Variants in MRPL30 observed in about 807,000 individuals in gnomAD.
MRPL30 encodes large ribosomal subunit protein uL30m.
MRPL30 carries 10 observed loss-of-function variants against 17.2 expected under a neutral mutation model. The ratio of observed to expected loss-of-function variants is 0.58; its 90% CI spans 0.36 to 0.99. The LOEUF (loss-of-function observed/expected upper bound fraction) is 0.99. MRPL30 is among the 50% of genes least tolerant of loss of function. The probability of loss-of-function intolerance (pLI) is 0.01; values close to 1 mark genes in which losing one functional copy is unlikely to be tolerated. For missense variants in MRPL30, 170 were observed against 189.8 expected, an observed-to-expected ratio of 0.90 and a Z score of 0.61; for synonymous variants, 61 against 62.1, an observed-to-expected ratio of 0.98 and a Z score of 0.08.
chr2:99,194,183 G>A (rs1046237240), intron 3 of MRPL30, among the ~76,000 whole-genome samples: 4 of 152,156 alleles, frequency 2.6e-5, no homozygotes, highest in Admixed American at 2.6e-4. Context: ...TACACATAGT[G>A]TTAGAATACA....
chr2:99,188,064 C>T (rs1474761155), intron 2 of MRPL30, 113 bp from the exon 3 acceptor site: 6 of 707,028 alleles, frequency 8.5e-6, no homozygotes, highest in African/African-American at 3.6e-5. Flanking sequence ...TAAGATATAC[C>T]TTTAATAATT....
At chr2:99,189,735 T>TG (rs35520519) in intron 3 of MRPL30, among the ~76,000 whole-genome samples, 2 of 152,258 alleles carry the variant, frequency 1.3e-5, no homozygotes, top group Non-Finnish European at 2.9e-5. Context: ...TTGTTTTGGG[T>TG]GGGGGGTTCC....
rs1489185640 is a variant in MRPL30, at chr2:99,196,792, T to G, written c.*1087T>G. 2 of 152,244 alleles carry G rather than the reference T, an allele frequency of 1.3e-5. No individual in the cohort carries two copies. The highest frequency in any genetic ancestry group is 2.9e-5 in the Non-Finnish European group (2 of 68,050). 9.4% of individuals were successfully genotyped at this position (152,244 alleles called of 1,614,324 possible). On this transcript the variant is annotated 3_prime_UTR_variant, in exon 6 of 6. Coordinates refer to ENST00000338148, the MANE Select transcript of MRPL30 (RefSeq NM_145212.4). Reference sequence around the variant, plus strand: ...GAAACACTGGATGCCAGCTAGATTATCTGTTCTGTGCTTTGGTGTCTATAA... The same window carrying G: ...GAAACACTGGATGCCAGCTAGATTAGCTGTTCTGTGCTTTGGTGTCTATAA...
intron 3 of MRPL30, among the ~76,000 whole-genome samples, chr2:99,190,226 T>C (rs1258196031): frequency 6.6e-6 from 1 of 152,216 alleles, no homozygotes; most frequent in South Asian, 2.1e-4. Context: ...AGTATTACCA[T>C]TGACTACTTT....
chr2:99,188,111 A>G, intron 2 of MRPL30, 66 bp from the exon 3 acceptor site: 2 of 1,188,184 alleles, frequency 1.7e-6, no homozygotes, highest in South Asian at 1.5e-5. Flanking sequence ...TTACCTAAAG[A>G]TTGGTGGGTA....
At chr2:99,186,301 T>G in intron 2 of MRPL30, 47 bp downstream of exon 2, 1 of 1,549,768 alleles carries the variant, frequency 6.5e-7, no homozygotes, top group Non-Finnish European at 8.8e-7. Context: ...CCTTATGAAT[T>G]TTTTTTTTAA....
intron 3 of MRPL30, among the ~76,000 whole-genome samples, chr2:99,190,487 G>C (rs2105245949): frequency 1.3e-5 from 2 of 152,266 alleles, no homozygotes; most frequent in South Asian, 4.1e-4. Context: ...TTTAGCAAGA[G>C]GTCAAGGGTG....
chr2:99,183,112 G>A (rs1341594079), intron 1 of MRPL30, among the ~76,000 whole-genome samples: 1 of 152,156 alleles, frequency 6.6e-6, no homozygotes. Context: ...GATCATTCCA[G>A]GAGAGGGAAT....
chr2:99,192,604 A>C (rs1041829577), intron 3 of MRPL30, among the ~76,000 whole-genome samples: 2 of 152,166 alleles, frequency 1.3e-5, no homozygotes, highest in African/African-American at 4.8e-5. Flanking sequence ...CATGGTGTAT[A>C]TGTACCACAT....
intron 3 of MRPL30, among the ~76,000 whole-genome samples, chr2:99,191,435 A>G (rs1483376603): frequency 1.3e-5 from 2 of 152,122 alleles, no homozygotes; most frequent in African/African-American, 4.8e-5. Context: ...TTTCCCTCCA[A>G]ACAACCAAAT....
At chr2:99,193,837 G>A (rs558570319) in intron 3 of MRPL30, among the ~76,000 whole-genome samples, 1 of 152,208 alleles carries the variant, frequency 6.6e-6, no homozygotes, top group African/African-American at 2.4e-5. Context: ...AGGAGTTCGA[G>A]ACCAGCCTGG....
Position 99,199,452 on chromosome 2 carries a change from A to G in MRPL30, c.*3747A>G, listed in dbSNP as rs1460762196. Among the ~76,000 whole-genome samples, 1 of 152,210 alleles carries G rather than the reference A, an allele frequency of 6.6e-6. No individual in the cohort carries two copies. The highest frequency in any genetic ancestry group is 2.4e-5 in the African/African-American group (1 of 41,448). Reference sequence around the variant, plus strand: ...GTATTAGAATGGCAATCAATGAACAAACTGAAAATGTCTTTGGATATTATT... The same window carrying G: ...GTATTAGAATGGCAATCAATGAACAGACTGAAAATGTCTTTGGATATTATT... On this transcript the variant is annotated 3_prime_UTR_variant, in exon 6 of 6. Coordinates refer to ENST00000338148, the MANE Select transcript of MRPL30 (RefSeq NM_145212.4).
Position 99,188,180 on chromosome 2 carries a change from G to A in MRPL30, c.55G>A (p.Val19Met), listed in dbSNP as rs202061207. ...VQWPPGRLQT[V>M]TKGVESLICT... ...AATGATTTATATCATATTTTAGACTGTGACAAAAGGTGTGGAGTCTCTTAT... is the reference window on the plus strand; with the variant it reads ...AATGATTTATATCATATTTTAGACTATGACAAAAGGTGTGGAGTCTCTTAT... Residue 19 changes from valine (V) to methionine (M), a missense_variant, in exon 3 of 6, where the codon GTG becomes ATG. Physicochemically the swap from Val to Met is conservative, Grantham distance 21. Transcript: ENST00000338148. 1.7e-4 allele frequency: 274 copies of A among 1,587,278 alleles called. No homozygotes were observed. The highest frequency in any genetic ancestry group is 1.3e-4 in the Admixed American group (7 of 54,046).
intron 4 of MRPL30, 30 bp downstream of exon 4, chr2:99,194,927 T>G (rs549821844): frequency 6.6e-7 from 1 of 1,518,656 alleles, no homozygotes; most frequent in South Asian, 1.3e-5. Flanking sequence ...ATCTTTAGTG[T>G]TGTTTACATT....
At chr2:99,183,115 G>A (rs552782182) in intron 1 of MRPL30, among the ~76,000 whole-genome samples, 1 of 152,258 alleles carries the variant, frequency 6.6e-6, no homozygotes, top group Admixed American at 6.5e-5. Flanking sequence ...CATTCCAGGA[G>A]AGGGAATGGT....
intron 1 of MRPL30, among the ~76,000 whole-genome samples, chr2:99,182,731 GTAAATAT>G (rs2093927055): frequency 6.6e-6 from 1 of 152,202 alleles, no homozygotes; most frequent in Non-Finnish European, 1.5e-5. Context: ...TCAGAAGTCT[GTAAATAT>G]TTAAACTTCA....
chr2:99,189,834 G>A (rs183055315), intron 3 of MRPL30, among the ~76,000 whole-genome samples: 20 of 152,084 alleles, frequency 1.3e-4, no homozygotes, highest in African/African-American at 4.6e-4. Context: ...TAAGTACATT[G>A]ACACTGTTGT....
intron 3 of MRPL30, 49 bp from the exon 4 acceptor site, chr2:99,194,700 CAG>C: frequency 6.6e-7 from 1 of 1,523,558 alleles, no homozygotes; most frequent in Non-Finnish European, 8.8e-7. Flanking sequence ...GGGAGGTACA[CAG>C]AAACTGTGTA....
intron 1 of MRPL30, among the ~76,000 whole-genome samples, chr2:99,183,701 TTC>T (rs2093929566): frequency 6.6e-6 from 1 of 152,206 alleles, no homozygotes; most frequent in South Asian, 2.1e-4. Flanking sequence ...GGTATGGAGT[TTC>T]TGTATATGCT....
Sources: gnomAD v4.1 joint callset for allele counts (sites outside exome capture counted in the v4.1 genomes callset) on GRCh38, gnomAD v4.1.1 for gene constraint, MANE v1.5 for transcripts, NCBI Gene and HGNC (gene_info 2026-07-23, HGNC 2026-07-21) for gene names.